TAF9B: variants seen among roughly 807,000 people sequenced by gnomAD.
TAF9B encodes transcription initiation factor TFIID subunit 9B.
A neutral mutation model predicts 17.6 loss-of-function variants in TAF9B; 47 were observed. That is an observed-to-expected ratio of 2.68 (90% CI 2.12 to 3.41). The LOEUF (loss-of-function observed/expected upper bound fraction) is 3.41, where lower values mean the gene tolerates loss of function less well. TAF9B is among the 30% of genes most tolerant of loss of function. The pLI is 0.00. For missense variants in TAF9B, 218 were observed against 189.3 expected (o/e 1.15, Z -0.89); for synonymous variants, 84 against 68.7 (o/e 1.22, Z -1.10).
chrX:78,134,221 C>T, intron 5 of TAF9B, among the ~76,000 whole-genome samples: 1 of 111,451 alleles, frequency 9.0e-6, no homozygotes, highest in Middle Eastern at 4.6e-3. Context: ...CTCAGTTAAA[C>T]GTCTTATATC....
intron 5 of TAF9B, 89 bp from the exon 6 acceptor site, chrX:78,133,537 C>A (rs1281287026): frequency 1.6e-6 from 1 of 631,951 alleles, no homozygotes; most frequent in Non-Finnish European, 2.5e-6. Context: ...ATCTTCAAAG[C>A]AAAGGAAACT....
In TAF9B at chrX:78,130,353, C is replaced by T. The variant is rs1414274791; in HGVS notation, c.*1257G>A. ...AGCTTTGCCATCTTTCCCAATATGA[C>T]TTTAATATGTGTATAAATGGAAAAC... On this transcript the variant is annotated 3_prime_UTR_variant, in exon 7 of 7. Coordinates refer to ENST00000341864, the MANE Select transcript of TAF9B (RefSeq NM_015975.5). The T allele has an allele frequency of 2.7e-5, 3 of 112,547 alleles. No homozygotes were observed. The East Asian group carries it at 8.3e-4, about 31-fold the overall frequency. The allele number at this position is 112,547 out of a possible 1,213,427, so 9.3% of individuals were successfully genotyped here. A position where few individuals can be genotyped will look rare whatever the true frequency, so the allele number is the denominator to read the frequency against.
rs1193598463 is a variant in TAF9B, at chrX:78,131,669, TG to T, written c.696del (p.Asn233MetfsTer6). 1.7e-6 allele frequency: 2 copies of T among 1,209,308 alleles called. No individual in the cohort carries two copies. The highest frequency in any genetic ancestry group is 3.5e-5 in the African/African-American group (2 of 57,167). ...TTNMVSSQNTANEANPLKRKH... is the reference protein window; with the variant it reads ...TTNMVSSQNTXNEANPLKRKH... Reference sequence around the variant, plus strand: ...TTTCTCTTCAGTGGGTTTGCTTCATTGGCTGTGTTCTGTGACGAAACCATGT... The same window carrying T: ...TTTCTCTTCAGTGGGTTTGCTTCATTGCTGTGTTCTGTGACGAAACCATGT... On this transcript the variant is annotated frameshift_variant, in exon 7 of 7. Coordinates refer to ENST00000341864, the MANE Select transcript of TAF9B (RefSeq NM_015975.5). LOFTEE classifies it high-confidence loss of function.
At chrX:78,139,494 TG>T in intron 1 of TAF9B, 66 bp downstream of exon 1, 1 of 1,198,203 alleles carries the variant, frequency 8.3e-7, no homozygotes, top group Non-Finnish European at 1.1e-6. Flanking sequence ...GCCCTCAGCG[TG>T]GCCCCGCCTC....
At position 78,138,496 on chromosome X, in the gene TAF9B, C is replaced by T. The variant is rs367607907; in HGVS notation, c.133+347G>A. 3.0e-4 allele frequency among the ~76,000 whole-genome samples: 34 copies of T among 112,881 alleles called. No individual in the cohort carries two copies. The East Asian group carries it at 6.7e-3, about 22-fold the overall frequency. ...TTACAAGGCTGGGTGCGGTGGCTCA[C>T]GCCTGTAATCCCAACACTTTGGGAG... On this transcript the variant is annotated intron_variant, in intron 2 of 6. Coordinates refer to ENST00000341864, the MANE Select transcript of TAF9B (RefSeq NM_015975.5).
intron 5 of TAF9B, among the ~76,000 whole-genome samples, chrX:78,135,987 G>A (rs1223540576): frequency 1.8e-5 from 2 of 111,837 alleles, no homozygotes; most frequent in Non-Finnish European, 3.8e-5. Context: ...CTGAGAATAT[G>A]AAGAGAGGGT....
rs2078412320 is a variant in TAF9B at position 78,131,533 on chromosome X, C to G, written c.*77G>C. On this transcript the variant is annotated 3_prime_UTR_variant, in exon 7 of 7. Transcript: ENST00000341864. ...TCAGTCTTTTAAGGTAAAACAAGAT[C>G]TAGAATATTCTAGTTCAGTATACTG... 1 of 904,099 alleles carries G rather than the reference C, an allele frequency of 1.1e-6. No homozygotes were observed. Among genetic ancestry groups the G allele is most frequent in the African/African-American group, 2.0e-5 (1 of 50,437 alleles). 74.5% of individuals were successfully genotyped at this position (904,099 alleles called of 1,213,427 possible). A position where few individuals can be genotyped will look rare whatever the true frequency, so the allele number is the denominator to read the frequency against.
intron 6 of TAF9B, 108 bp downstream of exon 6, chrX:78,133,230 A>G (rs2078421059): frequency 3.3e-6 from 2 of 597,834 alleles, no homozygotes; most frequent in Admixed American, 2.7e-5. Context: ...CATTACTGCC[A>G]CCTTCCTGTT....
rs145146897 is a variant in TAF9B at position 78,130,309 on chromosome X, G to T, written c.*1301C>A. On this transcript the variant is annotated 3_prime_UTR_variant, in exon 7 of 7. Coordinates refer to ENST00000341864, the MANE Select transcript of TAF9B (RefSeq NM_015975.5). ...GTTGAACTTAAGAAAAACAAAACAGGTGTGTTTATATTCTCAAAAGCTTTG... is the reference window on the plus strand; with the variant it reads ...GTTGAACTTAAGAAAAACAAAACAGTTGTGTTTATATTCTCAAAAGCTTTG... 1.1e-3 allele frequency: 120 copies of T among 112,303 alleles called. 1 individual carries two copies. Among genetic ancestry groups the T allele is most frequent in the African/African-American group, 3.6e-3 (113 of 31,004 alleles). 9.3% of individuals were successfully genotyped at this position (112,303 alleles called of 1,213,427 possible). A position where few individuals can be genotyped will look rare whatever the true frequency, so the allele number is the denominator to read the frequency against.
At chrX:78,136,787 G>A in intron 5 of TAF9B, 128 bp downstream of exon 5, 1 of 418,905 alleles carries the variant, frequency 2.4e-6, no homozygotes, top group Admixed American at 3.9e-5. Flanking sequence ...TAGAGGATGA[G>A]TAAAATTATT....
intron 5 of TAF9B, among the ~76,000 whole-genome samples, chrX:78,136,308 C>G (rs900115763): frequency 6.3e-5 from 7 of 111,561 alleles, no homozygotes; most frequent in African/African-American, 2.3e-4. Context: ...ATTCTAGGAC[C>G]TAGGCAGAAA....
Position 78,129,979 on chromosome X carries a change from T to G in TAF9B, c.*1631A>C, listed in dbSNP as rs2078402255. On this transcript the variant is annotated 3_prime_UTR_variant, in exon 7 of 7. Coordinates refer to ENST00000341864, the MANE Select transcript of TAF9B (RefSeq NM_015975.5). ...TGGAGCTAGGACTAGAACCTAGGCC[T>G]TCTGACTTGCTGCCTCCCTGAGAAC... The G allele has an allele frequency of 8.9e-6, 1 of 112,194 alleles. No homozygotes were observed. Among genetic ancestry groups the G allele is most frequent in the African/African-American group, 3.3e-5 (1 of 30,766 alleles). 9.2% of individuals were successfully genotyped at this position (112,194 alleles called of 1,213,427 possible).
chrX:78,133,928 G>A (rs1006911122), intron 5 of TAF9B, among the ~76,000 whole-genome samples: 13 of 111,400 alleles, frequency 1.2e-4, no homozygotes, highest in Non-Finnish European at 1.9e-5. Flanking sequence ...TAAAGACCCA[G>A]GTTTTCTATT....
In TAF9B at chrX:78,138,014, A is replaced by G. The variant is rs1557250251; in HGVS notation, c.218T>C (p.Leu73Pro). ...KPNVDADDVR[L>P]AIQCRADQSF... is the part of the protein sequence containing the mutation. ...TTGGTCAGCACGACACTGGATTGCC[A>G]GTCTCACATCATCTGCATCAACATT... Residue 73 changes from leucine to proline, a missense_variant, in exon 3 of 7, where the codon CTG (leucine) becomes CCG (proline). By Grantham distance (98) the Leu-to-Pro change is moderately conservative (BLOSUM62 -3). Transcript: ENST00000341864. 3.3e-6 allele frequency: 4 copies of G among 1,210,731 alleles called. No individual in the cohort carries two copies. The highest frequency in any genetic ancestry group is 3.4e-6 in the Non-Finnish European group (3 of 894,911).
chrX:78,132,034 C>T (rs782375303), intron 6 of TAF9B, among the ~76,000 whole-genome samples: 5 of 111,946 alleles, frequency 4.5e-5, no homozygotes, highest in Non-Finnish European at 9.4e-5. Context: ...GACAGTGTCT[C>T]GCTCTGTCGT....
chrX:78,131,838 G>A, intron 6 of TAF9B, 65 bp from the exon 7 acceptor site: 2 of 1,035,459 alleles, frequency 1.9e-6, no homozygotes, highest in Non-Finnish European at 2.6e-6. Context: ...TGAAACATAT[G>A]ATAAAAAGTA....
intron 6 of TAF9B, among the ~76,000 whole-genome samples, chrX:78,132,292 C>T (rs1241585778): frequency 9.0e-6 from 1 of 111,651 alleles, no homozygotes; most frequent in Non-Finnish European, 1.9e-5. Flanking sequence ...TTGTACCCTG[C>T]CAATAATTGT....
chrX:78,131,910 T>C (rs1722109272), intron 6 of TAF9B, 137 bp from the exon 7 acceptor site: 4 of 508,273 alleles, frequency 7.9e-6, no homozygotes, highest in Non-Finnish European at 1.3e-5. Context: ...AACTATATCA[T>C]AGAAGAAACA....
Position 78,139,586 on chromosome X carries a change from G to C in TAF9B, c.26C>G (p.Pro9Arg). 8.3e-7 allele frequency: 1 copy of C among 1,212,041 alleles called. No individual in the cohort carries two copies. Among genetic ancestry groups the C allele is most frequent in the Non-Finnish European group, 1.1e-6 (1 of 895,460 alleles). MESGKMAPPKNAPRDALVM... is the reference protein window; with the variant it reads MESGKMAPRKNAPRDALVM... ...CAAGGCATCTCTCGGAGCGTTCTTG[G>C]GAGGCGCCATCTTGCCCGACTCCAT... The change falls in exon 1 of 7, where the codon CCC becomes CGC. Residue 9 changes from proline to arginine, a missense_variant. Transcript: ENST00000341864.
Sources: allele counts gnomAD v4.1 joint callset (sites outside exome capture counted in the v4.1 genomes callset), GRCh38; gene constraint gnomAD v4.1.1; transcripts MANE v1.5; gene names NCBI Gene and HGNC (gene_info 2026-07-23, HGNC 2026-07-21).